The following UQCRQ variants were observed in gnomAD, a reference collection of about 807,000 sequenced individuals.
UQCRQ encodes cytochrome b-c1 complex subunit 8.
In UQCRQ, 9 loss-of-function variants were observed where a neutral mutation model predicts 7.9. The observed-to-expected ratio is 1.13, with a 90% confidence interval of 0.68 to 1.98. The LOEUF is 1.98. Ranked by LOEUF, UQCRQ falls within the 30% of genes most tolerant of loss-of-function variation. The pLI is 0.00. For missense variants in UQCRQ, 112 were observed against 109.7 expected (o/e 1.02, Z -0.10); for synonymous variants, 50 against 41.9 (o/e 1.19, Z -0.75).
rs1466067076 is a variant in UQCRQ at position 132,868,395 on chromosome 5, A to G, written c.*813A>G. 6.6e-6 allele frequency among the ~76,000 whole-genome samples: 1 copy of G among 152,244 alleles called. No individual in the cohort carries two copies. The highest frequency in any genetic ancestry group is 1.9e-4 in the East Asian group (1 of 5,192). ...ACAGAGAGATTAAGTAATTTGCCAG[A>G]AATTATACAGCAGTGAATGGTGGAG... On this transcript the variant is annotated 3_prime_UTR_variant, in exon 3 of 3. Coordinates refer to ENST00000378670, the MANE Select transcript of UQCRQ (RefSeq NM_014402.5).
chr5:132,867,846 G>A lies in UQCRQ; in HGVS notation c.*264G>A. The A allele has an allele frequency of 2.1e-6, 1 of 484,404 alleles. No homozygotes were observed. The highest frequency in any genetic ancestry group is 4.0e-5 in the East Asian group (1 of 25,064). 30.0% of individuals were successfully genotyped at this position (484,404 alleles called of 1,614,324 possible). A position where few individuals can be genotyped will look rare whatever the true frequency, so the allele number is the denominator to read the frequency against. On this transcript the variant is annotated 3_prime_UTR_variant, in exon 3 of 3. Transcript: ENST00000378670. ...CCTTTGTTCCATTATCTACAAGAAA[G>A]TAGCTGCAGGTACTCCTGCATCTAA...
intron 2 of UQCRQ, 115 bp downstream of exon 2, chr5:132,867,150 C>A: frequency 7.4e-7 from 1 of 1,347,900 alleles, no homozygotes; most frequent in Non-Finnish European, 1.0e-6. Flanking sequence ...TTGCCGTACA[C>A]ACCTTTCTCA....
At position 132,868,541 on chromosome 5, in the gene UQCRQ, T is replaced by C. The variant is rs1038726509; in HGVS notation, c.*959T>C. 1.3e-5 allele frequency among the ~76,000 whole-genome samples: 2 copies of C among 152,038 alleles called. No individual in the cohort carries two copies. The highest frequency in any genetic ancestry group is 4.8e-5 in the African/African-American group (2 of 41,416). On this transcript the variant is annotated 3_prime_UTR_variant, in exon 3 of 3. Coordinates refer to ENST00000378670, the MANE Select transcript of UQCRQ (RefSeq NM_014402.5). Reference sequence around the variant, plus strand: ...ACAATAGCTGATAAGCTTTAAAAAATGGCAAAAAAAACCCTCAGCGTTTTA... The same window carrying C: ...ACAATAGCTGATAAGCTTTAAAAAACGGCAAAAAAAACCCTCAGCGTTTTA...
In UQCRQ at chr5:132,867,552, G is replaced by C; in HGVS notation, c.219G>C (p.Lys73Asn). The C allele has an allele frequency of 3.7e-6, 6 of 1,614,156 alleles. No individual in the cohort carries two copies. The highest frequency in any genetic ancestry group is 5.1e-6 in the Non-Finnish European group (6 of 1,180,024). ...GTEEFERSKR[K>N]NPAAYENDK ...AAGAGTTCGAGAGATCCAAGAGGAA[G>C]AATCCAGCTGCCTATGAAAATGACA... Residue 73 changes from lysine to asparagine, a missense_variant, in exon 3 of 3, where the codon AAG becomes AAC. Transcript: ENST00000378670.
At position 132,867,546 on chromosome 5, in the gene UQCRQ, G is replaced by C; in HGVS notation, c.213G>C (p.Lys71Asn). The C allele has an allele frequency of 1.2e-6, 2 of 1,614,188 alleles. No homozygotes were observed. Among genetic ancestry groups the C allele is most frequent in the Non-Finnish European group, 1.7e-6 (2 of 1,180,026 alleles). ...TWGTEEFERSKRKNPAAYEND... is the reference protein window; with the variant it reads ...TWGTEEFERSNRKNPAAYEND... ...GGACTGAAGAGTTCGAGAGATCCAA[G>C]AGGAAGAATCCAGCTGCCTATGAAA... The change falls in exon 3 of 3, where the codon AAG (lysine) becomes AAC (asparagine). Residue 71 changes from lysine to asparagine, a missense_variant. Lys to Asn is a moderately conservative substitution (Grantham distance 94). Transcript: ENST00000378670.
In UQCRQ at chr5:132,866,980, A is replaced by G; in HGVS notation, c.99A>G (p.Lys33=). The part of the protein sequence containing the change: ...EQRAYPHVFT[K]GIPNVLRRIR... ...GCGCCTATCCGCACGTCTTCACTAA[A>G]GGAATCCCCAATGTTCTGCGCCGCA... Residue 33 remains lysine (K), a synonymous_variant, in exon 2 of 3, where the codon AAA becomes AAG. Coordinates refer to ENST00000378670, the MANE Select transcript of UQCRQ (RefSeq NM_014402.5). The G allele has an allele frequency of 1.2e-6, 2 of 1,614,108 alleles. No homozygotes were observed. The highest frequency in any genetic ancestry group is 1.7e-6 in the Non-Finnish European group (2 of 1,179,974).
Position 132,867,013 on chromosome 5 carries a change from GTCTT to G in UQCRQ, c.139_142del (p.Phe47AlafsTer7). 10 of 1,614,004 alleles carry G rather than the reference GTCTT, an allele frequency of 6.2e-6. No individual in the cohort carries two copies. Among genetic ancestry groups the G allele is most frequent in the Non-Finnish European group, 8.5e-6 (10 of 1,179,944 alleles). On this transcript the variant is annotated frameshift_variant, in exon 2 of 3. Coordinates refer to ENST00000378670, the MANE Select transcript of UQCRQ (RefSeq NM_014402.5). LOFTEE classifies it high-confidence loss of function. ...CCAATGTTCTGCGCCGCATTCGGGA[GTCTT>G]TCTTTCGCGTGGTGCCGCGTGAGTG...
intron 2 of UQCRQ, 164 bp from the exon 3 acceptor site, chr5:132,867,324 T>C (rs1759657892): frequency 2.8e-6 from 2 of 727,146 alleles, no homozygotes; most frequent in East Asian, 5.4e-5. Flanking sequence ...GGTGAAATGC[T>C]TTGTGTTAAA....
Position 132,866,940 on chromosome 5 carries a change from C to T in UQCRQ, c.59C>T (p.Ser20Leu). Residue 20 changes from serine (S) to leucine (L), a missense_variant, in exon 2 of 3, where the codon TCA becomes TTA. Physicochemically the swap from Ser to Leu is moderately radical, Grantham distance 145 (BLOSUM62 -2). Transcript: ENST00000378670. ...CGGCATGTGATCAGCTACAGCTTGTCACCGTTCGAGCAGCGCGCCTATCCG... is the reference window on the plus strand; with the variant it reads ...CGGCATGTGATCAGCTACAGCTTGTTACCGTTCGAGCAGCGCGCCTATCCG... ...RMRHVISYSLSPFEQRAYPHV... is the reference protein window; with the variant it reads ...RMRHVISYSLLPFEQRAYPHV... 6.2e-7 allele frequency: 1 copy of T among 1,614,116 alleles called. No individual in the cohort carries two copies. The highest frequency in any genetic ancestry group is 1.1e-5 in the South Asian group (1 of 91,090).
Position 132,867,655 on chromosome 5 carries a change from C to T in UQCRQ, c.*73C>T. The T allele has an allele frequency of 1.6e-6, 2 of 1,231,406 alleles. No individual in the cohort carries two copies. The highest frequency in any genetic ancestry group is 2.4e-6 in the Non-Finnish European group (2 of 843,252). 76.3% of individuals were successfully genotyped at this position (1,231,406 alleles called of 1,614,324 possible). A position where few individuals can be genotyped will look rare whatever the true frequency, so the allele number is the denominator to read the frequency against. ...GGAAGAGGAGTCTGCATTGTAGTGT[C>T]TCAAAGACACAATAAACTTCCTATG... On this transcript the variant is annotated 3_prime_UTR_variant, in exon 3 of 3. Transcript: ENST00000378670.
chr5:132,866,733 G>C lies in UQCRQ; in HGVS notation c.-14+46G>C. 2.7e-6 allele frequency: 3 copies of C among 1,094,020 alleles called. No individual in the cohort carries two copies. The South Asian group carries it at 4.3e-5, about 16-fold the overall frequency. 67.8% of individuals were successfully genotyped at this position (1,094,020 alleles called of 1,614,324 possible). A position where few individuals can be genotyped will look rare whatever the true frequency, so the allele number is the denominator to read the frequency against. On this transcript the variant is annotated intron_variant, in intron 1 of 2. Coordinates refer to ENST00000378670, the MANE Select transcript of UQCRQ (RefSeq NM_014402.5). Reference sequence around the variant, plus strand: ...TGTGCAGTGTTCGTGGACCCTGGGAGGCTAGGGGCGCCCCGCTGGGCTGGG... The same window carrying C: ...TGTGCAGTGTTCGTGGACCCTGGGACGCTAGGGGCGCCCCGCTGGGCTGGG...
intron 2 of UQCRQ, 88 bp downstream of exon 2, chr5:132,867,123 G>A (rs1292023427): frequency 6.4e-7 from 1 of 1,562,572 alleles, no homozygotes; most frequent in African/African-American, 1.4e-5. Context: ...CTGGCGGCCG[G>A]GCAGGCGCTC....
At position 132,867,802 on chromosome 5, in the gene UQCRQ, G is replaced by A. The variant is rs1759677284; in HGVS notation, c.*220G>A. ...AAGTTTTGCCTGGTCTCGGGTTTTG[G>A]TGAAAGAGCAGGGCTCCCCCTTTGT... On this transcript the variant is annotated 3_prime_UTR_variant, in exon 3 of 3. Transcript: ENST00000378670. 1 of 557,274 alleles carries A rather than the reference G, an allele frequency of 1.8e-6. No individual in the cohort carries two copies. The highest frequency in any genetic ancestry group is 1.9e-5 in the African/African-American group (1 of 52,976). 34.5% of individuals were successfully genotyped at this position (557,274 alleles called of 1,614,324 possible). A position where few individuals can be genotyped will look rare whatever the true frequency, so the allele number is the denominator to read the frequency against.
At position 132,867,942 on chromosome 5, in the gene UQCRQ, T is replaced by TCTAC; in HGVS notation, c.*361_*364dup. ...CTCTGCTCCCATAGCAACAATAAAGTCTACTAACTATATTGTAATTAGTAT... is the reference window on the plus strand; with the variant it reads ...CTCTGCTCCCATAGCAACAATAAAGTCTACCTACTAACTATATTGTAATTAGTAT... On this transcript the variant is annotated 3_prime_UTR_variant, in exon 3 of 3. Coordinates refer to ENST00000378670, the MANE Select transcript of UQCRQ (RefSeq NM_014402.5). The TCTAC allele has an allele frequency of 3.0e-6, 1 of 328,272 alleles. No homozygotes were observed. The highest frequency in any genetic ancestry group is 5.9e-6 in the Non-Finnish European group (1 of 169,672). The allele number at this position is 328,272 out of a possible 1,614,324, so 20.3% of individuals were successfully genotyped here.
Position 132,866,959 on chromosome 5 carries a change from C to T in UQCRQ, c.78C>T (p.Ala26=). Residue 26 remains alanine (A), a synonymous_variant, in exon 2 of 3, where the codon GCC becomes GCT. Coordinates refer to ENST00000378670, the MANE Select transcript of UQCRQ (RefSeq NM_014402.5). ...SYSLSPFEQR[A]YPHVFTKGIP... is the part of the protein sequence containing the mutation. ...GCTTGTCACCGTTCGAGCAGCGCGC[C>T]TATCCGCACGTCTTCACTAAAGGAA... 1 of 1,614,132 alleles carries T rather than the reference C, an allele frequency of 6.2e-7. No homozygotes were observed. The highest frequency in any genetic ancestry group is 2.2e-5 in the East Asian group (1 of 44,880).
Position 132,866,905 on chromosome 5 carries a change from G to A in UQCRQ, c.24G>A (p.Leu8=). The A allele has an allele frequency of 6.2e-7, 1 of 1,614,002 alleles. No homozygotes were observed. Among genetic ancestry groups the A allele is most frequent in the Non-Finnish European group, 8.5e-7 (1 of 1,179,958 alleles). The change falls in exon 2 of 3, where the codon CTG becomes CTA. Residue 8 remains leucine (L), a synonymous_variant. Coordinates refer to ENST00000378670, the MANE Select transcript of UQCRQ (RefSeq NM_014402.5). Reference sequence around the variant, plus strand: ...CAATGGGCCGCGAGTTTGGGAATCTGACGCGGATGCGGCATGTGATCAGCT... The same window carrying A: ...CAATGGGCCGCGAGTTTGGGAATCTAACGCGGATGCGGCATGTGATCAGCT... MGREFGN[L]TRMRHVISYS...
chr5:132,867,423 G>A, intron 2 of UQCRQ, 65 bp from the exon 3 acceptor site: 1 of 1,319,246 alleles, frequency 7.6e-7, no homozygotes, highest in Non-Finnish European at 1.1e-6. Context: ...AGAGGACTGA[G>A]ACCTTTTTTT....
Position 132,867,644 on chromosome 5 carries a change from C to T in UQCRQ, c.*62C>T. ...GACCTTTCTCTGGAAGAGGAGTCTG[C>T]ATTGTAGTGTCTCAAAGACACAATA... On this transcript the variant is annotated 3_prime_UTR_variant, in exon 3 of 3. Transcript: ENST00000378670. The T allele has an allele frequency of 7.5e-7, 1 of 1,341,946 alleles. No homozygotes were observed. The highest frequency in any genetic ancestry group is 2.3e-5 in the East Asian group (1 of 42,796). The allele number at this position is 1,341,946 out of a possible 1,614,324, so 83.1% of individuals were successfully genotyped here. A position where few individuals can be genotyped will look rare whatever the true frequency, so the allele number is the denominator to read the frequency against.
rs1240334812 is a variant in UQCRQ, at chr5:132,867,680, G to A, written c.*98G>A. 2.1e-6 allele frequency: 2 copies of A among 947,752 alleles called. No individual in the cohort carries two copies. The highest frequency in any genetic ancestry group is 1.4e-5 in the South Asian group (1 of 73,030). The allele number at this position is 947,752 out of a possible 1,614,324, so 58.7% of individuals were successfully genotyped here. ...CTCAAAGACACAATAAACTTCCTAT[G>A]GTCTGCACTGTTGTGATATTACATT... is the stretch of plus-strand genomic sequence containing the variant. On this transcript the variant is annotated 3_prime_UTR_variant, in exon 3 of 3. Coordinates refer to ENST00000378670, the MANE Select transcript of UQCRQ (RefSeq NM_014402.5).
Sources: allele counts gnomAD v4.1 joint callset (sites outside exome capture counted in the v4.1 genomes callset), GRCh38; gene constraint gnomAD v4.1.1; transcripts MANE v1.5; gene names NCBI Gene and HGNC (gene_info 2026-07-23, HGNC 2026-07-21).